WDR41: variants seen among roughly 807,000 people sequenced by gnomAD.
WDR41 encodes WD repeat domain 41.
In WDR41, 63 loss-of-function variants were observed where a neutral mutation model predicts 69.3. The ratio of observed to expected loss-of-function variants is 0.91; its 90% CI spans 0.74 to 1.12. WDR41 has a LOEUF of 1.12. Ranked by LOEUF, WDR41 falls within the 50% of genes most tolerant of loss-of-function variation. WDR41 has a pLI of 0.00. For missense variants in WDR41, 543 were observed against 534.5 expected (o/e 1.02, Z -0.16); for synonymous variants, 185 against 192.1 (o/e 0.96, Z 0.31).
At chr5:77,527,334 T>A (rs76282348) in intron 1 of WDR41, among the ~76,000 whole-genome samples, 14,447 of 151,838 alleles carry the variant, frequency 0.095, 1,442 homozygotes, top group African/African-American at 0.25. Flanking sequence ...AAGAGGAAGC[T>A]GATATATCTG....
chr5:77,591,113 A>C (rs1391496583), intron 1 of WDR41, among the ~76,000 whole-genome samples: 2 of 151,590 alleles, frequency 1.3e-5, no homozygotes, highest in Non-Finnish European at 2.9e-5. Flanking sequence ...CCCTGATTCC[A>C]TTTTCTTAAG....
intron 1 of WDR41, among the ~76,000 whole-genome samples, chr5:77,504,459 G>C (rs1023768539): frequency 1.1e-4 from 16 of 152,260 alleles, no homozygotes; most frequent in Middle Eastern, 3.4e-3. Context: ...AGAAGAGCTG[G>C]TACCATTCCT....
At chr5:77,475,915 A>T (rs1271808393) in intron 2 of WDR41, among the ~76,000 whole-genome samples, 1 of 152,120 alleles carries the variant, frequency 6.6e-6, no homozygotes, top group African/African-American at 2.4e-5. Flanking sequence ...AGAAGTTGAA[A>T]ACTTTGAAAA....
chr5:77,532,769 T>C (rs1742881373), intron 1 of WDR41, among the ~76,000 whole-genome samples: 1 of 152,020 alleles, frequency 6.6e-6, no homozygotes, highest in African/African-American at 2.4e-5. Context: ...TTTTAAAAAT[T>C]ATACAGTAAA....
intron 1 of WDR41, among the ~76,000 whole-genome samples, chr5:77,564,996 A>G (rs1743595101): frequency 6.6e-6 from 1 of 151,950 alleles, no homozygotes; most frequent in Admixed American, 6.6e-5. Flanking sequence ...TTCTACTCCC[A>G]TTGCCATGAT....
chr5:77,474,245 T>C (rs186119443), intron 2 of WDR41, among the ~76,000 whole-genome samples: 75 of 150,886 alleles, frequency 5.0e-4, no homozygotes, highest in African/African-American at 1.7e-3. Context: ...TGAGAACACA[T>C]GGACCCAGGA....
intron 1 of WDR41, chr5:77,545,798 T>A: frequency 9.9e-7 from 1 of 1,015,096 alleles, no homozygotes; most frequent in Non-Finnish European, 1.4e-6. Flanking sequence ...TCGGTCTGGG[T>A]GTTAAGTGCT....
rs370688843 is a variant in WDR41 at position 77,476,261 on chromosome 5, A to C, written c.168-11452T>G. Among the ~76,000 whole-genome samples, 8 of 152,230 alleles carry C rather than the reference A, an allele frequency of 5.3e-5. No individual in the cohort carries two copies. The South Asian group carries it at 6.2e-4, about 12-fold the overall frequency. ...TGGAAAACACTCTGCAGGATATTATACAGGAGAACTTCCCCAATCTAGCAA... is the reference window on the plus strand; with the variant it reads ...TGGAAAACACTCTGCAGGATATTATCCAGGAGAACTTCCCCAATCTAGCAA... On this transcript the variant is annotated intron_variant, in intron 2 of 12. Transcript: ENST00000296679.
intron 1 of WDR41, among the ~76,000 whole-genome samples, chr5:77,605,638 T>C (rs1356389469): frequency 3.9e-5 from 6 of 152,162 alleles, no homozygotes; most frequent in African/African-American, 7.2e-5. Flanking sequence ...GACTGGTTGA[T>C]GGAGGAATGC....
upstream of WDR41, among the ~76,000 whole-genome samples, chr5:77,497,032 C>T (rs1801945276): frequency 6.6e-6 from 1 of 152,012 alleles, no homozygotes; most frequent in Non-Finnish European, 1.5e-5. Flanking sequence ...ACTAGGAAAA[C>T]TGGATCTCTA....
chr5:77,469,825 G>A (rs532251880), intron 2 of WDR41, among the ~76,000 whole-genome samples: 7 of 152,264 alleles, frequency 4.6e-5, no homozygotes, highest in South Asian at 2.1e-4. Context: ...AAGTGACAGG[G>A]AGAATGGAAC....
intron 1 of WDR41, among the ~76,000 whole-genome samples, chr5:77,548,532 T>G (rs572122147): frequency 6.6e-6 from 1 of 152,280 alleles, no homozygotes; most frequent in African/African-American, 2.4e-5. Flanking sequence ...AAAAAATGCT[T>G]GACATCACTA....
In WDR41 at chr5:77,438,368, G is replaced by A. The variant is rs752579503; in HGVS notation, c.883-7C>T. 1.2e-5 allele frequency: 19 copies of A among 1,613,586 alleles called. No homozygotes were observed. The East Asian group carries it at 4.0e-4, about 34-fold the overall frequency. On this transcript the variant is annotated splice_polypyrimidine_tract_variant and splice_region_variant and intron_variant, in intron 9 of 12. Coordinates refer to ENST00000296679, the MANE Select transcript of WDR41 (RefSeq NM_018268.4). Reference sequence around the variant, plus strand: ...CAACTGCAGCAAATACATTCTAGGGGAAGAAGTTCAGAAATGGGCATAAAA... The same window carrying A: ...CAACTGCAGCAAATACATTCTAGGGAAAGAAGTTCAGAAATGGGCATAAAA...
At chr5:77,480,431 C>T (rs995576035) in intron 2 of WDR41, among the ~76,000 whole-genome samples, 6 of 151,974 alleles carry the variant, frequency 3.9e-5, no homozygotes, top group Non-Finnish European at 7.4e-5. Context: ...ACCCAAATGT[C>T]CAACAATGAT....
At chr5:77,590,400 C>T (rs914471015) in intron 1 of WDR41, among the ~76,000 whole-genome samples, 16 of 152,136 alleles carry the variant, frequency 1.1e-4, no homozygotes, top group Non-Finnish European at 2.1e-4. Context: ...CATACAACGC[C>T]CAGAAGGAGG....
intron 1 of WDR41, among the ~76,000 whole-genome samples, chr5:77,567,359 A>G (rs1380687839): frequency 6.6e-6 from 1 of 152,166 alleles, no homozygotes; most frequent in African/African-American, 2.4e-5. Context: ...ATTCTTGGGT[A>G]GGTGTCATTA....
chr5:77,441,877 G>GAA (rs35061647), intron 8 of WDR41, among the ~76,000 whole-genome samples: 33 of 150,674 alleles, frequency 2.2e-4, no homozygotes, highest in African/African-American at 6.3e-4. Context: ...AAATACAGCA[G>GAA]AAAAAAAAAT....
intron 2 of WDR41, among the ~76,000 whole-genome samples, chr5:77,477,395 C>T (rs1448593484): frequency 1.7e-5 from 2 of 117,860 alleles, no homozygotes; most frequent in Non-Finnish European, 3.3e-5. Context: ...CACACCACAC[C>T]TATTCCAAAA....
intron 4 of WDR41, among the ~76,000 whole-genome samples, chr5:77,462,215 G>A (rs1800098994): frequency 6.6e-6 from 1 of 151,994 alleles, no homozygotes; most frequent in South Asian, 2.1e-4. Context: ...TTCGAGACCA[G>A]CCTGACCAAC....
Sources: gnomAD v4.1 joint callset for allele counts (sites outside exome capture counted in the v4.1 genomes callset) on GRCh38, gnomAD v4.1.1 for gene constraint, MANE v1.5 for transcripts, NCBI Gene and HGNC (gene_info 2026-07-23, HGNC 2026-07-21) for gene names.